Variants in TTC7B observed in about 807,000 individuals in gnomAD.
TTC7B encodes the protein tetratricopeptide repeat protein 7B.
In TTC7B, 28 loss-of-function variants were observed where a neutral mutation model predicts 106.8. That is an observed-to-expected ratio of 0.26 (90% CI 0.19 to 0.36). The LOEUF is 0.36. Ranked by LOEUF, TTC7B falls within the 10% of genes least tolerant of loss-of-function variation. TTC7B has a pLI of 1.00. For synonymous variants in TTC7B, 405 were observed against 430.6 expected, an observed-to-expected ratio of 0.94 and a Z score of 0.74; for missense variants, 862 against 1,076.4, an observed-to-expected ratio of 0.80 and a Z score of 2.79.
chr14:90,594,203 A>T (rs768763147), intron 17 of TTC7B, among the ~76,000 whole-genome samples: 260 of 152,340 alleles, frequency 1.7e-3, no homozygotes, highest in Non-Finnish European at 2.7e-3. Flanking sequence ...TGCCCTGTGT[A>T]TAAGCAGATG....
intron 2 of TTC7B, among the ~76,000 whole-genome samples, chr14:90,784,174 TC>T (rs1293895851): frequency 3.4e-5 from 3 of 87,810 alleles, no homozygotes; most frequent in East Asian, 3.8e-4. Context: ...GTCCCTTCAC[TC>T]TCTCCTGCTG....
intron 19 of TTC7B, among the ~76,000 whole-genome samples, chr14:90,564,172 G>A (rs569435840): frequency 9.2e-5 from 14 of 152,060 alleles, no homozygotes; most frequent in Middle Eastern, 3.4e-3. Context: ...TGATCCATGG[G>A]CTGTAAAGTG....
At chr14:90,699,795 C>G (rs1887913163) in intron 5 of TTC7B, among the ~76,000 whole-genome samples, 1 of 152,122 alleles carries the variant, frequency 6.6e-6, no homozygotes, top group Non-Finnish European at 1.5e-5. Context: ...GTTTCTCAGC[C>G]AAGGCCAGGT....
At position 90,617,964 on chromosome 14, in the gene TTC7B, C is replaced by T. The variant is rs1216028199; in HGVS notation, c.1833G>A (p.Gln611=). ...EALLTCKHML[Q]IWKSCYNLTN... ...TGAGGTTGTAGCAGGATTTCCATAT[C>T]TGCAGCATGTGCTTACAAGTCAGCA... Residue 611 remains glutamine (Q), a synonymous_variant, in exon 16 of 20, where the codon CAG becomes CAA. Transcript: ENST00000328459. 2 of 1,614,036 alleles carry T rather than the reference C, an allele frequency of 1.2e-6. No individual in the cohort carries two copies. The highest frequency in any genetic ancestry group is 2.2e-5 in the South Asian group (2 of 91,084).
intron 1 of TTC7B, among the ~76,000 whole-genome samples, chr14:90,803,621 G>A (rs2030410033): frequency 1.3e-5 from 2 of 152,174 alleles, no homozygotes; most frequent in South Asian, 4.1e-4. Context: ...AAAGATGAAG[G>A]GGCCCAGAAG....
At position 90,678,319 on chromosome 14, in the gene TTC7B, A is replaced by C. The variant is rs375428130; in HGVS notation, c.1015-1659T>G. Among the ~76,000 whole-genome samples the C allele has an allele frequency of 1.1e-4, 17 of 152,354 alleles. No individual in the cohort carries two copies. The South Asian group carries it at 3.5e-3, about 32-fold the overall frequency. On this transcript the variant is annotated intron_variant, in intron 8 of 19. Coordinates refer to ENST00000328459, the MANE Select transcript of TTC7B (RefSeq NM_001010854.2). Reference sequence around the variant, plus strand: ...TTAGAAAACAGCACAATTCTAAATGATACCTTGTAGGTGGAGAAGCGACGG... The same window carrying C: ...TTAGAAAACAGCACAATTCTAAATGCTACCTTGTAGGTGGAGAAGCGACGG...
intron 1 of TTC7B, among the ~76,000 whole-genome samples, chr14:90,806,617 G>A (rs186113982): frequency 2.7e-4 from 41 of 152,310 alleles, no homozygotes; most frequent in Non-Finnish European, 4.6e-4. Context: ...AGATAAAGGT[G>A]AGGCTTAGGC....
chr14:90,767,604 C>T lies in TTC7B; in HGVS notation c.445+13134G>A, dbSNP rs749729009. Among the ~76,000 whole-genome samples the T allele has an allele frequency of 2.6e-5, 4 of 152,324 alleles. 1 individual carries two copies. Among genetic ancestry groups the T allele is most frequent in the Non-Finnish European group, 5.9e-5 (4 of 68,030 alleles). ...AGAAGACACTTGCCAGATGCTAGAA[C>T]CTTCATATTGGCCTTCCTAGCCTCC... On this transcript the variant is annotated intron_variant, in intron 3 of 19. Transcript: ENST00000328459.
chr14:90,749,483 G>A (rs1196909693), intron 3 of TTC7B, among the ~76,000 whole-genome samples: 1 of 145,068 alleles, frequency 6.9e-6, no homozygotes, highest in Non-Finnish European at 1.5e-5. Context: ...TCAGCTCACT[G>A]CAACCTCCAC....
At chr14:90,549,492 A>G (rs1889983020) in intron 19 of TTC7B, among the ~76,000 whole-genome samples, 1 of 152,224 alleles carries the variant, frequency 6.6e-6, no homozygotes. Context: ...GGCTGTGGCC[A>G]GAGCTGCAGT....
intron 19 of TTC7B, among the ~76,000 whole-genome samples, chr14:90,545,972 G>C (rs1296496540): frequency 6.6e-6 from 1 of 152,224 alleles, no homozygotes; most frequent in Non-Finnish European, 1.5e-5. Context: ...TGAGCAATCT[G>C]TTCAGTGGAA....
chr14:90,759,357 G>A lies in TTC7B; in HGVS notation c.446-14435C>T, dbSNP rs910287918. Among the ~76,000 whole-genome samples the A allele has an allele frequency of 6.6e-6, 1 of 152,182 alleles. No homozygotes were observed. Among genetic ancestry groups the A allele is most frequent in the East Asian group, 1.9e-4 (1 of 5,192 alleles). ...GGAAGCCAAGGGATGGGTGGTGACGGAACAAGCACCGTACTAGGAGTTTTA... is the reference window on the plus strand; with the variant it reads ...GGAAGCCAAGGGATGGGTGGTGACGAAACAAGCACCGTACTAGGAGTTTTA... On this transcript the variant is annotated intron_variant, in intron 3 of 19. Coordinates refer to ENST00000328459, the MANE Select transcript of TTC7B (RefSeq NM_001010854.2). The surrounding 1 kb of genome is among the most constrained non-coding windows in gnomAD (Gnocchi z 4.1).
intron 19 of TTC7B, among the ~76,000 whole-genome samples, chr14:90,573,364 C>T (rs967735395): frequency 3.3e-5 from 5 of 150,724 alleles, no homozygotes; most frequent in Admixed American, 6.6e-5. Context: ...CTCCGGCTCA[C>T]GGTCCCTCTC....
chr14:90,547,019 T>C (rs1458189326), intron 19 of TTC7B, among the ~76,000 whole-genome samples: 1 of 152,116 alleles, frequency 6.6e-6, no homozygotes, highest in Non-Finnish European at 1.5e-5. Context: ...CCCCTGTGTG[T>C]GGAGAGGATG....
chr14:90,749,611 G>T (rs1890077589), intron 3 of TTC7B, among the ~76,000 whole-genome samples: 1 of 151,892 alleles, frequency 6.6e-6, no homozygotes, highest in Non-Finnish European at 1.5e-5. Flanking sequence ...CTCCATGTTG[G>T]TCAGGCTGGT....
intron 6 of TTC7B, among the ~76,000 whole-genome samples, chr14:90,690,976 C>G (rs186924848): frequency 6.6e-6 from 1 of 152,298 alleles, no homozygotes; most frequent in African/African-American, 2.4e-5. Context: ...ATTAAATGCA[C>G]TCTGATCATC....
chr14:90,792,609 G>C (rs530410728), intron 1 of TTC7B, among the ~76,000 whole-genome samples: 2 of 152,228 alleles, frequency 1.3e-5, no homozygotes, highest in Admixed American at 1.3e-4. Flanking sequence ...GCAACTGGGA[G>C]AGCACGGTGC....
chr14:90,616,715 T>C (rs1320702378), intron 16 of TTC7B, among the ~76,000 whole-genome samples: 3 of 152,164 alleles, frequency 2.0e-5, no homozygotes. Flanking sequence ...GAAACATTTG[T>C]AAAACAATCT....
Position 90,655,053 on chromosome 14 carries a change from C to CT in TTC7B, c.1398dup (p.Glu467ArgfsTer20). The CT allele has an allele frequency of 6.2e-7, 1 of 1,614,228 alleles. No homozygotes were observed. Among genetic ancestry groups the CT allele is most frequent in the Non-Finnish European group, 8.5e-7 (1 of 1,180,040 alleles). On this transcript the variant is annotated frameshift_variant, in exon 12 of 20. Transcript: ENST00000328459. LOFTEE classifies it high-confidence loss of function. The stretch of plus-strand genomic sequence containing the variant: ...GCTAAGTAGCCTTTGGCCTTGAACT[C>CT]TGACGTTTTCTCTCCCACATCAACG...
Sources: gnomAD v4.1 joint callset for allele counts (sites outside exome capture counted in the v4.1 genomes callset) on GRCh38, gnomAD v4.1.1 for gene constraint, Gnocchi (gnomAD v3.1) non-coding constraint, MANE v1.5 for transcripts, NCBI Gene and HGNC (gene_info 2026-07-23, HGNC 2026-07-21) for gene names.